Variants in SGCD observed in about 807,000 individuals in gnomAD.
SGCD encodes sarcoglycan delta.
A neutral mutation model predicts 36.6 loss-of-function variants in SGCD; 18 were observed. That is an observed-to-expected ratio of 0.49 (90% confidence interval 0.34 to 0.73). The LOEUF is 0.73. Ranked by LOEUF, SGCD falls within the 30% of genes least tolerant of loss-of-function variation. The pLI is 0.01. For missense variants in SGCD, 387 were observed against 346.7 expected, an observed-to-expected ratio of 1.12 and a Z score of -0.92; for synonymous variants, 133 against 130.6, an observed-to-expected ratio of 1.02 and a Z score of -0.12.
chr5:155,791,928 C>A, the SGCD span, among the ~76,000 whole-genome samples: 4 of 151,924 alleles, frequency 2.6e-5, no homozygotes. Context: ...CATATGGATG[C>A]AAAAAGAGCA....
intron 1 of SGCD, among the ~76,000 whole-genome samples, chr5:155,952,439 A>G (rs1757566276): frequency 6.6e-6 from 1 of 152,024 alleles, no homozygotes; most frequent in Non-Finnish European, 1.5e-5. Flanking sequence ...GTCTTTGAAC[A>G]GGTCATTTCC....
intron 1 of SGCD, among the ~76,000 whole-genome samples, chr5:155,881,197 C>A (rs1419552613): frequency 6.6e-6 from 1 of 151,880 alleles, no homozygotes; most frequent in African/African-American, 2.4e-5. Context: ...ATCAATTGAG[C>A]TTTTAAAGAT....
At chr5:156,419,241 C>T (rs571005055) in intron 3 of SGCD, among the ~76,000 whole-genome samples, 1 of 152,256 alleles carries the variant, frequency 6.6e-6, no homozygotes, top group East Asian at 1.9e-4. Context: ...CAATCACCTG[C>T]CCCTTAAACA....
At chr5:156,596,167 C>T (rs958906033) in intron 6 of SGCD, among the ~76,000 whole-genome samples, 2 of 152,198 alleles carry the variant, frequency 1.3e-5, no homozygotes, top group Non-Finnish European at 2.9e-5. Flanking sequence ...GCTCAGTCAA[C>T]AGTAGGTGCT....
At chr5:156,246,981 A>G (rs1275545208) in intron 3 of SGCD, among the ~76,000 whole-genome samples, 1 of 152,216 alleles carries the variant, frequency 6.6e-6, no homozygotes, top group Non-Finnish European at 1.5e-5. Flanking sequence ...AGCATAAACA[A>G]AAAAAGCACC....
intron 1 of SGCD, among the ~76,000 whole-genome samples, chr5:156,026,190 A>C (rs73812913): frequency 0.16 from 24,584 of 152,186 alleles, 2,198 homozygotes; most frequent in Non-Finnish European, 0.19. Context: ...TTGTTGTTAG[A>C]TTGACAACAA....
At chr5:156,390,529 G>A (rs978952630) in intron 3 of SGCD, among the ~76,000 whole-genome samples, 14 of 152,248 alleles carry the variant, frequency 9.2e-5, no homozygotes, top group African/African-American at 2.9e-4. Flanking sequence ...TCAGGAGTTC[G>A]AGACCAGCCT....
chr5:156,698,830 T>C (rs1213416032), intron 7 of SGCD, among the ~76,000 whole-genome samples: 2 of 122,696 alleles, frequency 1.6e-5, no homozygotes, highest in African/African-American at 6.8e-5. Flanking sequence ...TTTTGAAAAC[T>C]AAATTAAAAT....
intron 3 of SGCD, among the ~76,000 whole-genome samples, chr5:156,248,522 A>C (rs1765494070): frequency 1.3e-5 from 2 of 152,158 alleles, no homozygotes; most frequent in South Asian, 4.1e-4. Context: ...CGTCTAAAAA[A>C]AACACAAACA....
intron 3 of SGCD, among the ~76,000 whole-genome samples, chr5:156,451,506 G>A (rs1168265414): frequency 6.6e-6 from 1 of 152,124 alleles, no homozygotes; most frequent in Non-Finnish European, 1.5e-5. Context: ...GAGTCCATTA[G>A]GCAATGATGG....
At chr5:155,837,901 C>T in the SGCD span, among the ~76,000 whole-genome samples, 2 of 152,018 alleles carry the variant, frequency 1.3e-5, no homozygotes, top group East Asian at 1.9e-4. Context: ...GGCATTTGGC[C>T]TGCTGAGCGC....
intron 3 of SGCD, among the ~76,000 whole-genome samples, chr5:156,380,470 A>T (rs1252460080): frequency 6.6e-6 from 1 of 152,246 alleles, no homozygotes; most frequent in East Asian, 1.9e-4. Context: ...TCAAGCACGT[A>T]TTCATTCTCT....
At chr5:156,078,017 C>T (rs1760836191) in intron 1 of SGCD, among the ~76,000 whole-genome samples, 1 of 152,108 alleles carries the variant, frequency 6.6e-6, no homozygotes, top group African/African-American at 2.4e-5. Context: ...GCAGTCTTTT[C>T]ATAACTTATG....
At chr5:156,320,706 G>A (rs1361579901) in intron 3 of SGCD, among the ~76,000 whole-genome samples, 1 of 152,176 alleles carries the variant, frequency 6.6e-6, no homozygotes, top group Admixed American at 6.5e-5. Flanking sequence ...GTATATATTT[G>A]AATTTCCGAA....
At chr5:156,041,219 A>G (rs1759625665) in intron 1 of SGCD, among the ~76,000 whole-genome samples, 1 of 152,246 alleles carries the variant, frequency 6.6e-6, no homozygotes, top group African/African-American at 2.4e-5. Context: ...GAGCTAATAA[A>G]GATGGCCTAG....
chr5:156,664,391 C>T (rs1174953880), intron 7 of SGCD, among the ~76,000 whole-genome samples: 1 of 149,628 alleles, frequency 6.7e-6, no homozygotes, highest in African/African-American at 2.5e-5. Context: ...GACTTTTGAG[C>T]AACATCTTGG....
intron 3 of SGCD, among the ~76,000 whole-genome samples, chr5:156,482,276 A>T (rs1014118667): frequency 1.3e-5 from 2 of 152,156 alleles, no homozygotes; most frequent in Non-Finnish European, 2.9e-5. Flanking sequence ...TGAAAAAAAA[A>T]AACTGCTAAC....
At chr5:156,337,572 T>C (rs1259170815) in intron 2 of SGCD, among the ~76,000 whole-genome samples, 4 of 152,172 alleles carry the variant, frequency 2.6e-5, no homozygotes, top group Admixed American at 2.6e-4. Context: ...CACTCCCAAG[T>C]ATCATCTTAA....
chr5:156,356,526 A>G (rs1247238943), intron 3 of SGCD, among the ~76,000 whole-genome samples: 1 of 152,226 alleles, frequency 6.6e-6, no homozygotes, highest in Non-Finnish European at 1.5e-5. Flanking sequence ...GTCAGATTGC[A>G]TCACTTCCAC....
Sources: gnomAD v4.1 joint callset for allele counts (sites outside exome capture counted in the v4.1 genomes callset) on GRCh38, gnomAD v4.1.1 for gene constraint, MANE v1.5 for transcripts, NCBI Gene and HGNC (gene_info 2026-07-23, HGNC 2026-07-21) for gene names.